Variants in CRB1 observed in about 807,000 individuals in gnomAD.
CRB1 encodes protein crumbs homolog 1.
In CRB1, 83 loss-of-function variants were observed where a neutral mutation model predicts 120.0. The observed-to-expected ratio is 0.69, with a 90% confidence interval of 0.58 to 0.83. CRB1 has a LOEUF of 0.83. Ranked by LOEUF, CRB1 falls within the 40% of genes least tolerant of loss-of-function variation. The pLI is 0.00. For missense variants in CRB1, 1,699 were observed against 1,687.6 expected (o/e 1.01, Z -0.12); for synonymous variants, 625 against 612.5 (o/e 1.02, Z -0.30).
chr1:197,430,584 C>T (rs990659352), intron 8 of CRB1, among the ~76,000 whole-genome samples: 9 of 152,322 alleles, frequency 5.9e-5, no homozygotes, highest in African/African-American at 2.2e-4. Context: ...ACCACCACCT[C>T]CCTCCTGAAC....
chr1:197,372,815 G>A (rs1211672858), intron 5 of CRB1, among the ~76,000 whole-genome samples: 1 of 152,062 alleles, frequency 6.6e-6, no homozygotes, highest in African/African-American at 2.4e-5. Context: ...TTCCATTAGT[G>A]GTGTCAGCTA....
chr1:197,228,471 A>G, the CRB1 span, among the ~76,000 whole-genome samples: 2 of 152,208 alleles, frequency 1.3e-5, no homozygotes, highest in East Asian at 3.9e-4. Flanking sequence ...AAACATAGCA[A>G]GAGTCACCTT....
chr1:197,307,901 C>T (rs1283241507), intron 1 of CRB1, among the ~76,000 whole-genome samples: 2 of 152,142 alleles, frequency 1.3e-5, no homozygotes, highest in East Asian at 1.9e-4. Context: ...ACTCTCTTTT[C>T]GAGCTACCAT....
At chr1:197,321,589 T>C (rs1265330333) in intron 1 of CRB1, among the ~76,000 whole-genome samples, 1 of 152,218 alleles carries the variant, frequency 6.6e-6, no homozygotes, top group African/African-American at 2.4e-5. Context: ...GTATTCAAAA[T>C]GTCATCAAAA....
intron 11 of CRB1, among the ~76,000 whole-genome samples, chr1:197,472,244 CTGA>C (rs1237523298): frequency 6.6e-6 from 1 of 152,210 alleles, no homozygotes; most frequent in African/African-American, 2.4e-5. Context: ...TTCTATGTAA[CTGA>C]TATACATACA....
At chr1:197,305,912 A>T (rs1447212931) in intron 1 of CRB1, among the ~76,000 whole-genome samples, 1 of 151,938 alleles carries the variant, frequency 6.6e-6, no homozygotes, top group Non-Finnish European at 1.5e-5. Context: ...TGAAAAAAAA[A>T]AAAACAAAAA....
At chr1:197,336,205 A>G (rs563544966) in intron 2 of CRB1, among the ~76,000 whole-genome samples, 3 of 152,342 alleles carry the variant, frequency 2.0e-5, no homozygotes, top group Non-Finnish European at 2.9e-5. Flanking sequence ...TCTAAGAGGT[A>G]TGATGTAACT....
chr1:197,350,090 G>A (rs1288576573), intron 4 of CRB1, among the ~76,000 whole-genome samples: 1 of 145,950 alleles, frequency 6.9e-6, no homozygotes, highest in African/African-American at 2.6e-5. Context: ...CTGGGCGACA[G>A]AGCGAGACTC....
chr1:197,305,767 G>A (rs1478890521), intron 1 of CRB1, among the ~76,000 whole-genome samples: 2 of 151,640 alleles, frequency 1.3e-5, no homozygotes, highest in African/African-American at 4.8e-5. Context: ...TTCAATCCTT[G>A]TGAATATTTT....
At chr1:197,214,044 C>T in the CRB1 span, among the ~76,000 whole-genome samples, 1 of 151,688 alleles carries the variant, frequency 6.6e-6, no homozygotes, top group East Asian at 1.9e-4. Context: ...AAGATAAGAG[C>T]CAAAATAAAT....
intron 11 of CRB1, among the ~76,000 whole-genome samples, chr1:197,454,921 C>T (rs947817088): frequency 1.3e-5 from 2 of 152,136 alleles, no homozygotes; most frequent in African/African-American, 4.8e-5. Flanking sequence ...TGTGTTTGTG[C>T]TTTCAAAGAA....
intron 5 of CRB1, among the ~76,000 whole-genome samples, chr1:197,378,523 C>T (rs769166174): frequency 6.6e-5 from 10 of 152,092 alleles, no homozygotes; most frequent in Non-Finnish European, 1.5e-4. Context: ...ACTCTATGAA[C>T]CCTTTCCAAC....
At chr1:197,322,341 G>A (rs912065591) in intron 1 of CRB1, among the ~76,000 whole-genome samples, 1 of 151,662 alleles carries the variant, frequency 6.6e-6, no homozygotes, top group Non-Finnish European at 1.5e-5. Flanking sequence ...CACATCCCTG[G>A]AATCCCAGCT....
At chr1:197,299,650 A>G (rs1018055446) in intron 1 of CRB1, among the ~76,000 whole-genome samples, 2 of 152,202 alleles carry the variant, frequency 1.3e-5, no homozygotes, top group African/African-American at 2.4e-5. Flanking sequence ...TAGTATATTT[A>G]TATAACAGGT....
At chr1:197,378,875 A>C (rs897402445) in intron 5 of CRB1, among the ~76,000 whole-genome samples, 3 of 152,222 alleles carry the variant, frequency 2.0e-5, no homozygotes, top group African/African-American at 4.8e-5. Context: ...ATGTGTTATA[A>C]AGAGAACATG....
the CRB1 span, among the ~76,000 whole-genome samples, chr1:197,263,108 G>A: frequency 7.5e-4 from 114 of 152,264 alleles, no homozygotes; most frequent in Non-Finnish European, 1.4e-3. Context: ...TCTTCAAACT[G>A]CTTTTCACAG....
chr1:197,267,570 A>T (rs113572708), upstream of CRB1, among the ~76,000 whole-genome samples: 1 of 152,228 alleles, frequency 6.6e-6, no homozygotes, highest in Non-Finnish European at 1.5e-5. Context: ...AACACCAATT[A>T]GAAAATAAAG....
chr1:197,213,706 G>A, the CRB1 span, among the ~76,000 whole-genome samples: 2 of 152,090 alleles, frequency 1.3e-5, no homozygotes, highest in Admixed American at 1.3e-4. Context: ...ATGGTATGAA[G>A]CTAGAAATCA....
the CRB1 span, among the ~76,000 whole-genome samples, chr1:197,213,732 T>C: frequency 3.3e-5 from 5 of 152,238 alleles, no homozygotes; most frequent in East Asian, 1.9e-4. Flanking sequence ...AGGGAGAATA[T>C]TGAAAAATTT....
Sources: gnomAD v4.1 joint callset for allele counts (sites outside exome capture counted in the v4.1 genomes callset) on GRCh38, gnomAD v4.1.1 for gene constraint, MANE v1.5 for transcripts, NCBI Gene and HGNC (gene_info 2026-07-23, HGNC 2026-07-21) for gene names.